TATDN2: variants seen among roughly 807,000 people sequenced by gnomAD.
The protein encoded by TATDN2 is 3'-5' RNA nuclease TATDN2.
A neutral mutation model predicts 60.3 loss-of-function variants in TATDN2; 44 were observed. The observed-to-expected ratio is 0.73, with a 90% CI of 0.57 to 0.94. The LOEUF (loss-of-function observed/expected upper bound fraction) is 0.94, where lower values mean the gene tolerates loss of function less well. Among genes scored for constraint, TATDN2 ranks in the 40% least tolerant of loss-of-function variants. The pLI is 0.00. For synonymous variants in TATDN2, 399 were observed against 355.8 expected (o/e 1.12, Z -1.37); for missense variants, 997 against 948.0 (o/e 1.05, Z -0.68).
Position 10,278,206 on chromosome 3 carries a change from A to T in TATDN2, c.1962-73A>T. The T allele has an allele frequency of 6.7e-7, 1 of 1,493,030 alleles. No individual in the cohort carries two copies. Among genetic ancestry groups the T allele is most frequent in the Admixed American group, 1.9e-5 (1 of 52,326 alleles). The allele number at this position is 1,493,030 out of a possible 1,614,324, so 92.5% of individuals were successfully genotyped here. The stretch of plus-strand genomic sequence containing the variant: ...TTCTGGGAATCATTGAAAAGGGGTG[A>T]TGGGTGTGGGGGGAGCTGGGGGCTG... On this transcript the variant is annotated intron_variant, in intron 5 of 7. Transcript: ENST00000448281. The surrounding 1 kb of genome is among the most constrained non-coding windows in gnomAD (Gnocchi z 4.7).
chr3:10,250,239 T>C (rs1485957760), intron 2 of TATDN2, among the ~76,000 whole-genome samples: 1 of 140,600 alleles, frequency 7.1e-6, no homozygotes, highest in East Asian at 2.7e-4. Context: ...CAAGAGGGTT[T>C]CATAAGTACT....
At chr3:10,274,991 T>G (rs1698613834) in intron 4 of TATDN2, among the ~76,000 whole-genome samples, 1 of 146,638 alleles carries the variant, frequency 6.8e-6, no homozygotes, top group South Asian at 2.1e-4. Flanking sequence ...ATGAATTAAT[T>G]TTTTTTTTTT....
intron 4 of TATDN2, among the ~76,000 whole-genome samples, chr3:10,274,989 A>ATT (rs34892858): frequency 0.078 from 10,684 of 136,184 alleles, 600 homozygotes; most frequent in East Asian, 0.18. Context: ...TAATGAATTA[A>ATT]TTTTTTTTTT....
Position 10,249,209 on chromosome 3 carries a change from C to T in TATDN2, c.9C>T (p.Ser3=), listed in dbSNP as rs138135409. 1.3e-5 allele frequency: 20 copies of T among 1,511,816 alleles called. No homozygotes were observed. In the South Asian group the frequency reaches 1.7e-4, roughly 13 times the overall value. 93.7% of individuals were successfully genotyped at this position (1,511,816 alleles called of 1,614,324 possible). A position where few individuals can be genotyped will look rare whatever the true frequency, so the allele number is the denominator to read the frequency against. ...GTACCTTGCAGGTGCCCATGGCGTCCGAGCGGGGCAAGGTCAAGCACAACT... is the reference window on the plus strand; with the variant it reads ...GTACCTTGCAGGTGCCCATGGCGTCTGAGCGGGGCAAGGTCAAGCACAACT... MA[S]ERGKVKHNWS... The change falls in exon 2 of 8, where the codon TCC becomes TCT. Residue 3 remains serine (S), a synonymous_variant. Coordinates refer to ENST00000448281, the MANE Select transcript of TATDN2 (RefSeq NM_014760.4).
At chr3:10,262,199 C>G (rs1698416447) in intron 3 of TATDN2, among the ~76,000 whole-genome samples, 1 of 152,170 alleles carries the variant, frequency 6.6e-6, no homozygotes, top group Non-Finnish European at 1.5e-5. Context: ...TGTTGTCCTG[C>G]TCTGGTCTGG....
intron 4 of TATDN2, among the ~76,000 whole-genome samples, chr3:10,275,757 A>G (rs1698626743): frequency 1.1e-3 from 1 of 918 alleles, no homozygotes; most frequent in South Asian, 0.056. Flanking sequence ...AAAAAACAAA[A>G]CAAAACAAAA....
Position 10,279,230 on chromosome 3 carries a change from C to A in TATDN2, c.*48C>A. 1 of 628,292 alleles carries A rather than the reference C, an allele frequency of 1.6e-6. No homozygotes were observed. Among genetic ancestry groups the A allele is most frequent in the Non-Finnish European group, 2.6e-6 (1 of 378,362 alleles). The allele number at this position is 628,292 out of a possible 1,614,324, so 38.9% of individuals were successfully genotyped here. ...CTCTTCCACCCTCCAGGGCGACCAG[C>A]AGCCTGACAGAACACAGGCTGGCTT... On this transcript the variant is annotated 3_prime_UTR_variant, in exon 8 of 8. Transcript: ENST00000448281.
intron 4 of TATDN2, among the ~76,000 whole-genome samples, chr3:10,272,377 G>A (rs1698578891): frequency 6.6e-6 from 1 of 152,008 alleles, no homozygotes; most frequent in African/African-American, 2.4e-5. Context: ...CAGTTCAAGT[G>A]ATTCTCCTGG....
intron 3 of TATDN2, among the ~76,000 whole-genome samples, chr3:10,261,519 C>G (rs151305688): frequency 3.9e-5 from 6 of 151,916 alleles, no homozygotes. Flanking sequence ...TACAGGTGTG[C>G]GCCACCAAAC....
At chr3:10,265,681 C>CAAAA (rs60093055) in intron 3 of TATDN2, among the ~76,000 whole-genome samples, 3 of 62,702 alleles carry the variant, frequency 4.8e-5, no homozygotes, top group Non-Finnish European at 6.4e-5. Flanking sequence ...GACTCCGTCT[C>CAAAA]AAAAAAAAAA....
chr3:10,261,461 C>G (rs1384630465), intron 3 of TATDN2, among the ~76,000 whole-genome samples: 1 of 151,814 alleles, frequency 6.6e-6, no homozygotes, highest in East Asian at 1.9e-4. Flanking sequence ...ACCTCCACCT[C>G]CTGGGTTCAA....
At position 10,270,518 on chromosome 3, in the gene TATDN2, C is replaced by A. The variant is rs202022653; in HGVS notation, c.1336C>A (p.Arg446Ser). ...AGAGGAAGGCTGGTCCCAGAATTCT[C>A]GTTCATTTCGCTTCTCCAGAAGCTC... is the stretch of plus-strand genomic sequence containing the variant. ...ASEEGWSQNS[R>S]SFRFSRSSEE... Residue 446 changes from arginine (R) to serine (S), a missense_variant, in exon 4 of 8, where the codon CGT (arginine) becomes AGT (serine). Physicochemically the swap from Arg to Ser is moderately radical, Grantham distance 110. Transcript: ENST00000448281. The A allele has an allele frequency of 1.9e-6, 3 of 1,614,176 alleles. No individual in the cohort carries two copies. In the East Asian group the frequency reaches 6.7e-5, roughly 36 times the overall value.
rs771403589 is a variant in TATDN2 at position 10,270,844 on chromosome 3, G to A, written c.1662G>A (p.Glu554=). 5.0e-6 allele frequency: 8 copies of A among 1,614,206 alleles called. No homozygotes were observed. The highest frequency in any genetic ancestry group is 5.1e-6 in the Non-Finnish European group (6 of 1,180,024). Residue 554 remains glutamate (E), a synonymous_variant, in exon 4 of 8, where the codon GAG becomes GAA. Coordinates refer to ENST00000448281, the MANE Select transcript of TATDN2 (RefSeq NM_014760.4). ...GCCTATGGGAGGAGCTGTTGAAAGA[G>A]GATCTGGTCTGGGGGGCCTTTGGCT... The part of the protein sequence containing the change: ...TDCLWEELLK[E]DLVWGAFGCH...
chr3:10,249,648 C>T, intron 2 of TATDN2, 34 bp downstream of exon 2: 1 of 1,495,478 alleles, frequency 6.7e-7, no homozygotes, highest in Non-Finnish European at 8.9e-7. Flanking sequence ...ATCGGTGAAG[C>T]CCCTTCCACA....
Position 10,260,221 on chromosome 3 carries a change from C to G in TATDN2, c.499C>G (p.Pro167Ala). 1 of 1,614,066 alleles carries G rather than the reference C, an allele frequency of 6.2e-7. No individual in the cohort carries two copies. The highest frequency in any genetic ancestry group is 8.5e-7 in the Non-Finnish European group (1 of 1,180,028). The change falls in exon 3 of 8, where the codon CCC (proline) becomes GCC (alanine). Residue 167 changes from proline (P) to alanine (A), a missense_variant. Pro to Ala is a conservative substitution (Grantham distance 27). Coordinates refer to ENST00000448281, the MANE Select transcript of TATDN2 (RefSeq NM_014760.4). ...GGGTCAGAATGATACAATTGAGGAACCCAACAAGGTCCAGAAAAGGAAGAG... is the reference window on the plus strand; with the variant it reads ...GGGTCAGAATGATACAATTGAGGAAGCCAACAAGGTCCAGAAAAGGAAGAG... ...AEGQNDTIEEPNKVQKRKRDR... is the reference protein window; with the variant it reads ...AEGQNDTIEEANKVQKRKRDR...
At chr3:10,265,019 C>CTTTTTTTTTTTTTTTTCCTGTGCGTGGT (rs550799457) in intron 3 of TATDN2, among the ~76,000 whole-genome samples, 3 of 76,448 alleles carry the variant, frequency 3.9e-5, no homozygotes, top group Admixed American at 1.5e-4. Context: ...TTTTTTTGGT[C>CTTTTTTTTTTTTTTTTCCTGTGCGTGGT]TTTTTTTTTT....
intron 4 of TATDN2, among the ~76,000 whole-genome samples, chr3:10,275,951 G>A (rs1403783836): frequency 6.6e-6 from 1 of 152,180 alleles, no homozygotes; most frequent in Non-Finnish European, 1.5e-5. Context: ...CGGAGGTGGG[G>A]ACAGTGAGGT....
chr3:10,254,460 C>T (rs1029843254), intron 2 of TATDN2, among the ~76,000 whole-genome samples: 7 of 152,176 alleles, frequency 4.6e-5, no homozygotes, highest in Admixed American at 6.5e-5. Flanking sequence ...TGCTCTCCTG[C>T]GTTCCCTGGA....
At chr3:10,274,704 G>A (rs1394246118) in intron 4 of TATDN2, among the ~76,000 whole-genome samples, 2 of 152,196 alleles carry the variant, frequency 1.3e-5, no homozygotes, top group East Asian at 3.8e-4. Flanking sequence ...TAAAGCCTCT[G>A]TCAAGCAGTC....
Sources: allele counts gnomAD v4.1 joint callset (sites outside exome capture counted in the v4.1 genomes callset), GRCh38; gene constraint gnomAD v4.1.1; non-coding constraint Gnocchi (gnomAD v3.1); transcripts MANE v1.5; gene names NCBI Gene and HGNC (gene_info 2026-07-23, HGNC 2026-07-21).